The following SEMA6D variants were observed in gnomAD, a reference collection of about 807,000 sequenced individuals.
SEMA6D encodes semaphorin-6D.
A neutral mutation model predicts 106.6 loss-of-function variants in SEMA6D; 35 were observed. The observed-to-expected ratio is 0.33, with a 90% CI of 0.25 to 0.44. The LOEUF (loss-of-function observed/expected upper bound fraction) is 0.44, where lower values mean the gene tolerates loss of function less well. SEMA6D is among the 20% of genes least tolerant of loss of function. The pLI, the probability that SEMA6D is intolerant of heterozygous loss-of-function variation, is 1.00. For synonymous variants in SEMA6D, 499 were observed against 487.7 expected (o/e 1.02, Z -0.31); for missense variants, 1,185 against 1,345.9 (o/e 0.88, Z 1.87).
chr15:47,595,726 T>C (rs527293606), intron 3 of SEMA6D, among the ~76,000 whole-genome samples: 22 of 152,258 alleles, frequency 1.4e-4, no homozygotes, highest in Non-Finnish European at 2.4e-4. Flanking sequence ...TGGGAGAAAA[T>C]TTTATTGTTG....
intron 1 of SEMA6D, among the ~76,000 whole-genome samples, chr15:47,196,477 G>GC (rs1283198610): frequency 2.6e-5 from 4 of 152,222 alleles, no homozygotes; most frequent in South Asian, 2.1e-4. Context: ...AAAAAAGACA[G>GC]CCCCCCTAAA....
intron 3 of SEMA6D, among the ~76,000 whole-genome samples, chr15:47,504,547 A>C (rs1028958968): frequency 6.6e-6 from 1 of 152,214 alleles, no homozygotes; most frequent in Admixed American, 6.5e-5. Flanking sequence ...TGCCCTCCTG[A>C]GCTGGGAAAC....
chr15:47,374,300 G>A (rs1270469904), intron 1 of SEMA6D, among the ~76,000 whole-genome samples: 1 of 152,164 alleles, frequency 6.6e-6, no homozygotes, highest in Non-Finnish European at 1.5e-5. Context: ...GGGTGGTAAA[G>A]AGAAGTCCTC....
intron 1 of SEMA6D, among the ~76,000 whole-genome samples, chr15:47,354,956 T>C (rs2038509104): frequency 6.6e-6 from 1 of 152,190 alleles, no homozygotes; most frequent in Non-Finnish European, 1.5e-5. Context: ...AGATGTGTTA[T>C]GTAGTATTTG....
chr15:47,629,733 A>G (rs2077261910), intron 4 of SEMA6D, among the ~76,000 whole-genome samples: 1 of 151,682 alleles, frequency 6.6e-6, no homozygotes, highest in South Asian at 2.1e-4. Context: ...TCTGGTATCT[A>G]TTATTCTGTT....
chr15:47,226,823 C>T (rs2031702509), intron 1 of SEMA6D, among the ~76,000 whole-genome samples: 1 of 152,064 alleles, frequency 6.6e-6, no homozygotes, highest in African/African-American at 2.4e-5. Context: ...TCTCTGCATC[C>T]CCAGAACCCA....
intron 3 of SEMA6D, among the ~76,000 whole-genome samples, chr15:47,558,034 C>G (rs2045965283): frequency 6.6e-6 from 1 of 152,058 alleles, no homozygotes; most frequent in African/African-American, 2.4e-5. Context: ...CCGTGTAAAG[C>G]AATCTCACCA....
intron 1 of SEMA6D, among the ~76,000 whole-genome samples, chr15:47,738,051 A>G (rs545800844): frequency 2.7e-5 from 4 of 147,314 alleles, no homozygotes; most frequent in Admixed American, 6.8e-5. Context: ...AAAAAAAAAA[A>G]GGGTTACATA....
intron 4 of SEMA6D, among the ~76,000 whole-genome samples, chr15:47,648,417 AC>A (rs993652608): frequency 6.6e-6 from 1 of 152,170 alleles, no homozygotes; most frequent in Non-Finnish European, 1.5e-5. Context: ...CCCATCTTGC[AC>A]CCTGACCTGC....
intron 1 of SEMA6D, among the ~76,000 whole-genome samples, chr15:47,371,081 ATATTAGCT>A (rs1261838975): frequency 6.6e-6 from 1 of 152,220 alleles, no homozygotes; most frequent in African/African-American, 2.4e-5. Context: ...GCCAAACATC[ATATTAGCT>A]TAGAGTTCCC....
intron 2 of SEMA6D, among the ~76,000 whole-genome samples, chr15:47,465,173 C>T (rs577250193): frequency 5.3e-4 from 81 of 152,298 alleles, no homozygotes; most frequent in African/African-American, 1.9e-3. Context: ...GCTTTGAACA[C>T]AGCAGGTAGT....
At chr15:47,312,640 G>T (rs988832100) in intron 1 of SEMA6D, among the ~76,000 whole-genome samples, 3 of 152,064 alleles carry the variant, frequency 2.0e-5, no homozygotes, top group Non-Finnish European at 2.9e-5. Context: ...AACACAAGCT[G>T]CATAGGTCAT....
intron 4 of SEMA6D, among the ~76,000 whole-genome samples, chr15:47,636,456 C>T (rs142901170): frequency 1.4e-3 from 217 of 152,216 alleles, no homozygotes; most frequent in African/African-American, 4.9e-3. Context: ...TGCAGGGCTC[C>T]ACTTTCCAAC....
intron 1 of SEMA6D, chr15:47,730,442 A>G (rs1464835939): frequency 1.1e-5 from 16 of 1,407,460 alleles, no homozygotes; most frequent in East Asian, 4.6e-5. Context: ...CAAGAAGACA[A>G]CCAGCTCGAT....
intron 3 of SEMA6D, among the ~76,000 whole-genome samples, chr15:47,481,675 T>C (rs2043157103): frequency 6.6e-6 from 1 of 152,204 alleles, no homozygotes. Context: ...TGCAGTGCTC[T>C]GAACAGGAGG....
At chr15:47,755,824 T>TA (rs1355034853) in intron 1 of SEMA6D, among the ~76,000 whole-genome samples, 2 of 149,074 alleles carry the variant, frequency 1.3e-5, no homozygotes, top group Non-Finnish European at 3.0e-5. Context: ...TATAAAATTA[T>TA]AAAAATATAA....
At chr15:47,343,138 C>T (rs532904997) in intron 1 of SEMA6D, among the ~76,000 whole-genome samples, 3 of 152,026 alleles carry the variant, frequency 2.0e-5, no homozygotes, top group South Asian at 2.1e-4. Context: ...TTATAGGGCT[C>T]CCCAAATTTA....
intron 1 of SEMA6D, among the ~76,000 whole-genome samples, chr15:47,371,267 T>C (rs543142286): frequency 6.6e-5 from 10 of 152,274 alleles, no homozygotes; most frequent in African/African-American, 2.4e-4. Flanking sequence ...CACAGTCCAG[T>C]TTTCTGCCAG....
chr15:47,251,765 T>C (rs1228402538), intron 1 of SEMA6D, among the ~76,000 whole-genome samples: 1 of 152,082 alleles, frequency 6.6e-6, no homozygotes, highest in Non-Finnish European at 1.5e-5. Context: ...AGGTAGGTAG[T>C]TATATTTTAT....
Sources: gnomAD v4.1 joint callset for allele counts (sites outside exome capture counted in the v4.1 genomes callset) on GRCh38, gnomAD v4.1.1 for gene constraint, MANE v1.5 for transcripts, NCBI Gene and HGNC (gene_info 2026-07-23, HGNC 2026-07-21) for gene names.